The following KLF6 variants were observed in gnomAD, a reference collection of about 807,000 sequenced individuals.
KLF6 encodes the protein KLF transcription factor 6.
For synonymous variants in KLF6, 152 were observed against 147.9 expected (o/e 1.03, Z -0.20); for missense variants, 233 against 359.8 (o/e 0.65, Z 2.85).
At position 3,776,711 on chromosome 10, in the gene KLF6, A is replaced by C; in HGVS notation, c.*2828T>G. The C allele has an allele frequency of 2.1e-6, 1 of 482,076 alleles. No individual in the cohort carries two copies. Among genetic ancestry groups the C allele is most frequent in the South Asian group, 1.7e-5 (1 of 57,460 alleles). 29.9% of individuals were successfully genotyped at this position (482,076 alleles called of 1,614,324 possible). On this transcript the variant is annotated 3_prime_UTR_variant, in exon 4 of 4. Transcript: ENST00000497571. ...GATAACAGGGTGCTTCCAAAAAAAA[A>C]AAAAAAAGAAATTTCACTAATAGAA... is the stretch of plus-strand genomic sequence containing the variant.
intron 1 of KLF6, among the ~76,000 whole-genome samples, chr10:3,783,505 T>C (rs1237211055): frequency 6.6e-6 from 1 of 152,050 alleles, no homozygotes; most frequent in African/African-American, 2.4e-5. Context: ...CTTAGCAGTG[T>C]GCCTCTCTCC....
rs1303943786 is a variant in KLF6, at chr10:3,781,879, G to A, written c.438C>T (p.Ser146=). The change falls in exon 2 of 4, where the codon TCC becomes TCT. Residue 146 remains serine, a synonymous_variant. Transcript: ENST00000497571. This position sits in a 1 kb window ranked among gnomAD's most constrained non-coding sequence, Gnocchi z 5.8. The part of the protein sequence containing the change: ...SSGKLSSSVT[S]TPPSSPELSR... Reference sequence around the variant, plus strand: ...TCAGTTCCGGAGAAGATGGAGGCGTGGAGGTGACAGAGGAGCTCAATTTTC... The same window carrying A: ...TCAGTTCCGGAGAAGATGGAGGCGTAGAGGTGACAGAGGAGCTCAATTTTC... 5 of 1,614,212 alleles carry A rather than the reference G, an allele frequency of 3.1e-6. No individual in the cohort carries two copies. In the South Asian group the frequency reaches 4.4e-5, roughly 14 times the overall value.
At position 3,778,837 on chromosome 10, in the gene KLF6, G is replaced by T; in HGVS notation, c.*702C>A. On this transcript the variant is annotated 3_prime_UTR_variant, in exon 4 of 4. Coordinates refer to ENST00000497571, the MANE Select transcript of KLF6 (RefSeq NM_001300.6). The stretch of plus-strand genomic sequence containing the variant: ...TGTAAATACACAGCTTATACAATGG[G>T]TTACAAATGAGCTATGTTGTAGCGT... 1 of 533,296 alleles carries T rather than the reference G, an allele frequency of 1.9e-6. No individual in the cohort carries two copies. The highest frequency in any genetic ancestry group is 1.5e-5 in the South Asian group (1 of 65,154). 33.0% of individuals were successfully genotyped at this position (533,296 alleles called of 1,614,324 possible). A position where few individuals can be genotyped will look rare whatever the true frequency, so the allele number is the denominator to read the frequency against.
chr10:3,783,407 G>C (rs1266467308), intron 1 of KLF6: 1 of 152,216 alleles, frequency 6.6e-6, no homozygotes, highest in Admixed American at 6.5e-5. Context: ...ACAGATTTCA[G>C]TTTCTACACC....
chr10:3,777,716 A>G lies in KLF6; in HGVS notation c.*1823T>C. Reference sequence around the variant, plus strand: ...GTGGAATTTTCTAGCTAAACATTCTAGTTTCTCCTTAAAAAAAATATTTAT... The same window carrying G: ...GTGGAATTTTCTAGCTAAACATTCTGGTTTCTCCTTAAAAAAAATATTTAT... On this transcript the variant is annotated 3_prime_UTR_variant, in exon 4 of 4. Transcript: ENST00000497571. 1 of 374,036 alleles carries G rather than the reference A, an allele frequency of 2.7e-6. No homozygotes were observed. The highest frequency in any genetic ancestry group is 5.2e-6 in the Non-Finnish European group (1 of 192,738). 23.2% of individuals were successfully genotyped at this position (374,036 alleles called of 1,614,324 possible).
chr10:3,784,854 A>G (rs1391845332), intron 1 of KLF6, 59 bp downstream of exon 1: 2 of 1,538,934 alleles, frequency 1.3e-6, no homozygotes, highest in Non-Finnish European at 1.8e-6. Context: ...CTGAACCCCA[A>G]ACAGCCGACC....
chr10:3,783,400 G>T (rs1042134301), intron 1 of KLF6: 3 of 152,240 alleles, frequency 2.0e-5, no homozygotes, highest in African/African-American at 7.2e-5. Flanking sequence ...CAATTCTACA[G>T]ATTTCAGTTT....
chr10:3,781,419 A>T lies in KLF6; in HGVS notation c.676+222T>A. ...AAGGATCTAGTCTCTTGTTTGTTTA[A>T]TCTGAAAATTGTTACACATTTATCC... On this transcript the variant is annotated intron_variant, in intron 2 of 3. Transcript: ENST00000497571. This position sits in a 1 kb window ranked among gnomAD's most constrained non-coding sequence, Gnocchi z 5.8. 6.6e-7 allele frequency: 1 copy of T among 1,505,456 alleles called. No homozygotes were observed. The highest frequency in any genetic ancestry group is 8.9e-7 in the Non-Finnish European group (1 of 1,125,424). The allele number at this position is 1,505,456 out of a possible 1,614,324, so 93.3% of individuals were successfully genotyped here.
rs549093335 is a variant in KLF6, at chr10:3,781,429, T to C, written c.676+212A>G. 4.9e-5 allele frequency: 74 copies of C among 1,511,952 alleles called. 1 individual carries two copies. In the South Asian group the frequency reaches 9.0e-4, roughly 18 times the overall value. The allele number at this position is 1,511,952 out of a possible 1,614,324, so 93.7% of individuals were successfully genotyped here. ...TCTCTTGTTTGTTTAATCTGAAAAT[T>C]GTTACACATTTATCCAACTCAAAAG... On this transcript the variant is annotated intron_variant, in intron 2 of 3. Coordinates refer to ENST00000497571, the MANE Select transcript of KLF6 (RefSeq NM_001300.6). The surrounding 1 kb of genome is among the most constrained non-coding windows in gnomAD (Gnocchi z 5.8).
Position 3,776,219 on chromosome 10 carries a change from GTCGTTGTGCAGGTGCCTCTGCAATGCAT to G in KLF6, c.*3292_*3319del. On this transcript the variant is annotated 3_prime_UTR_variant, in exon 4 of 4. Coordinates refer to ENST00000497571, the MANE Select transcript of KLF6 (RefSeq NM_001300.6). ...AAGTGGCAGGGAAACACTCAAGTTT[GTCGTTGTGCAGGTGCCTCTGCAATGCAT>G]TCCCTGGCTTGAGCAATGGAAGATC... 1.9e-6 allele frequency: 1 copy of G among 532,682 alleles called. No homozygotes were observed. The highest frequency in any genetic ancestry group is 3.6e-6 in the Non-Finnish European group (1 of 275,346). 33.0% of individuals were successfully genotyped at this position (532,682 alleles called of 1,614,324 possible).
At position 3,781,440 on chromosome 10, in the gene KLF6, T is replaced by C; in HGVS notation, c.676+201A>G. 1 of 1,525,938 alleles carries C rather than the reference T, an allele frequency of 6.6e-7. No individual in the cohort carries two copies. Among genetic ancestry groups the C allele is most frequent in the Non-Finnish European group, 8.8e-7 (1 of 1,136,012 alleles). The allele number at this position is 1,525,938 out of a possible 1,614,324, so 94.5% of individuals were successfully genotyped here. A position where few individuals can be genotyped will look rare whatever the true frequency, so the allele number is the denominator to read the frequency against. ...TTTAATCTGAAAATTGTTACACATT[T>C]ATCCAACTCAAAAGTCCAGTCTTTA... On this transcript the variant is annotated intron_variant, in intron 2 of 3. Transcript: ENST00000497571. The surrounding 1 kb of genome is among the most constrained non-coding windows in gnomAD (Gnocchi z 5.8).
Position 3,782,366 on chromosome 10 carries a change from G to A in KLF6, c.103-152C>T. 1 of 700,318 alleles carries A rather than the reference G, an allele frequency of 1.4e-6. No homozygotes were observed. Among genetic ancestry groups the A allele is most frequent in the Non-Finnish European group, 2.5e-6 (1 of 392,226 alleles). The allele number at this position is 700,318 out of a possible 1,614,324, so 43.4% of individuals were successfully genotyped here. A position where few individuals can be genotyped will look rare whatever the true frequency, so the allele number is the denominator to read the frequency against. On this transcript the variant is annotated intron_variant, in intron 1 of 3. Coordinates refer to ENST00000497571, the MANE Select transcript of KLF6 (RefSeq NM_001300.6). This position sits in a 1 kb window ranked among gnomAD's most constrained non-coding sequence, Gnocchi z 4.3. ...AAACCTTTTGTAATTAAGCATCCGT[G>A]TCCTTACGGAAGTTAGAGGAAATCT...
Position 3,777,888 on chromosome 10 carries a change from T to C in KLF6, c.*1651A>G, listed in dbSNP as rs1170971188. On this transcript the variant is annotated 3_prime_UTR_variant, in exon 4 of 4. Coordinates refer to ENST00000497571, the MANE Select transcript of KLF6 (RefSeq NM_001300.6). ...AGATAGCTAGACAGATATGTGAAACTTGTGCCTTTTAAGCAAATACATTAA... is the reference window on the plus strand; with the variant it reads ...AGATAGCTAGACAGATATGTGAAACCTGTGCCTTTTAAGCAAATACATTAA... 4.1e-6 allele frequency: 2 copies of C among 489,194 alleles called. No homozygotes were observed. Among genetic ancestry groups the C allele is most frequent in the South Asian group, 1.6e-5 (1 of 63,372 alleles). The allele number at this position is 489,194 out of a possible 1,614,324, so 30.3% of individuals were successfully genotyped here.
intron 1 of KLF6, 25 bp downstream of exon 1, chr10:3,784,887 AG>A (rs1256487347): frequency 1.3e-6 from 2 of 1,579,186 alleles, no homozygotes; most frequent in Non-Finnish European, 1.7e-6. Flanking sequence ...CGGCGCCCGC[AG>A]GGAACCGCGG....
rs1832384119 is a variant in KLF6, at chr10:3,776,699, T to C, written c.*2840A>G. ...AAAGATTCTTTAGATAACAGGGTGC[T>C]TCCAAAAAAAAAAAAAAAAGAAATT... On this transcript the variant is annotated 3_prime_UTR_variant, in exon 4 of 4. Transcript: ENST00000497571. The C allele has an allele frequency of 2.4e-6, 1 of 417,174 alleles. No individual in the cohort carries two copies. Among genetic ancestry groups the C allele is most frequent in the Non-Finnish European group, 4.5e-6 (1 of 222,796 alleles). The allele number at this position is 417,174 out of a possible 1,614,324, so 25.8% of individuals were successfully genotyped here. A position where few individuals can be genotyped will look rare whatever the true frequency, so the allele number is the denominator to read the frequency against.
rs767432086 is a variant in KLF6, at chr10:3,780,272, C to T, written c.677-43G>A. 4 of 1,610,428 alleles carry T rather than the reference C, an allele frequency of 2.5e-6. No homozygotes were observed. In the South Asian group the frequency reaches 4.4e-5, roughly 18 times the overall value. On this transcript the variant is annotated intron_variant, in intron 2 of 3. Transcript: ENST00000497571. The surrounding 1 kb of genome is among the most constrained non-coding windows in gnomAD (Gnocchi z 4.6). ...GACAAGCAGCCCATGACTTCACTGA[C>T]CCGCAGACGGAAAGGGGAAATTCAA...
At position 3,776,369 on chromosome 10, in the gene KLF6, GGC is replaced by G. The variant is rs1447568419; in HGVS notation, c.*3168_*3169del. The G allele has an allele frequency of 3.8e-6, 2 of 532,316 alleles. No individual in the cohort carries two copies. The highest frequency in any genetic ancestry group is 3.7e-5 in the African/African-American group (2 of 53,732). The allele number at this position is 532,316 out of a possible 1,614,324, so 33.0% of individuals were successfully genotyped here. A position where few individuals can be genotyped will look rare whatever the true frequency, so the allele number is the denominator to read the frequency against. On this transcript the variant is annotated 3_prime_UTR_variant, in exon 4 of 4. Transcript: ENST00000497571. ...GATGCATTCAGGGAGGGCAATGTCA[GGC>G]TCGCTGACATCCTCTCCAGCTCCCA...
chr10:3,776,779 G>T lies in KLF6; in HGVS notation c.*2760C>A. The T allele has an allele frequency of 2.0e-6, 1 of 504,770 alleles. No individual in the cohort carries two copies. The highest frequency in any genetic ancestry group is 1.7e-5 in the South Asian group (1 of 59,504). 31.3% of individuals were successfully genotyped at this position (504,770 alleles called of 1,614,324 possible). Reference sequence around the variant, plus strand: ...AGCAAAAAGTTTCTGCTTGATTGAGGCTCAGTTATCACCTGAACAGAATGT... The same window carrying T: ...AGCAAAAAGTTTCTGCTTGATTGAGTCTCAGTTATCACCTGAACAGAATGT... On this transcript the variant is annotated 3_prime_UTR_variant, in exon 4 of 4. Transcript: ENST00000497571.
chr10:3,784,315 AAG>A (rs1215182308), intron 1 of KLF6, among the ~76,000 whole-genome samples: 1 of 152,198 alleles, frequency 6.6e-6, no homozygotes, highest in East Asian at 1.9e-4. Context: ...TCATTGTCAC[AAG>A]ACTGACAAGT....
Sources: allele counts gnomAD v4.1 joint callset (sites outside exome capture counted in the v4.1 genomes callset), GRCh38; gene constraint gnomAD v4.1.1; non-coding constraint Gnocchi (gnomAD v3.1); transcripts MANE v1.5; gene names NCBI Gene and HGNC (gene_info 2026-07-23, HGNC 2026-07-21).